Variants in GABRB1 observed in about 807,000 individuals in gnomAD.
The protein encoded by GABRB1 is gamma-aminobutyric acid type A receptor subunit beta1.
A neutral mutation model predicts 51.6 loss-of-function variants in GABRB1; 17 were observed. The ratio of observed to expected loss-of-function variants is 0.33; its 90% CI spans 0.23 to 0.49. The LOEUF (loss-of-function observed/expected upper bound fraction) is 0.49, where lower values mean the gene tolerates loss of function less well. GABRB1 is among the 20% of genes least tolerant of loss of function. GABRB1 has a pLI of 0.99. For synonymous variants in GABRB1, 247 were observed against 218.9 expected, an observed-to-expected ratio of 1.13 and a Z score of -1.14; for missense variants, 410 against 600.6, an observed-to-expected ratio of 0.68 and a Z score of 3.32.
At chr4:47,287,845 C>T (rs974610795) in intron 4 of GABRB1, among the ~76,000 whole-genome samples, 13 of 152,280 alleles carry the variant, frequency 8.5e-5, no homozygotes, top group African/African-American at 2.6e-4. Context: ...AGGTCTCCAA[C>T]TGCCAGCAAG....
At chr4:47,156,587 T>C (rs1363956664) in intron 3 of GABRB1, among the ~76,000 whole-genome samples, 1 of 152,108 alleles carries the variant, frequency 6.6e-6, no homozygotes, top group Non-Finnish European at 1.5e-5. Context: ...GAATGTTACC[T>C]TTATTCTCCA....
intron 3 of GABRB1, among the ~76,000 whole-genome samples, chr4:47,041,510 A>G (rs886309685): frequency 6.6e-6 from 1 of 151,892 alleles, no homozygotes; most frequent in Non-Finnish European, 1.5e-5. Flanking sequence ...ATATCAGGAA[A>G]AATTAGAGGT....
chr4:47,259,445 T>C (rs1007758120), intron 4 of GABRB1, among the ~76,000 whole-genome samples: 3 of 152,176 alleles, frequency 2.0e-5, no homozygotes, highest in African/African-American at 4.8e-5. Flanking sequence ...GTCAATAATG[T>C]TTATAGTATA....
intron 3 of GABRB1, among the ~76,000 whole-genome samples, chr4:47,121,151 A>T (rs1715758030): frequency 6.6e-6 from 1 of 152,072 alleles, no homozygotes; most frequent in Non-Finnish European, 1.5e-5. Context: ...GGGTTGGGTA[A>T]ACTCAGGCTC....
intron 3 of GABRB1, among the ~76,000 whole-genome samples, chr4:47,137,121 C>A (rs1716695906): frequency 6.6e-6 from 1 of 152,002 alleles, no homozygotes; most frequent in Non-Finnish European, 1.5e-5. Flanking sequence ...CTTAAAGACT[C>A]AAATATTGAT....
At chr4:47,390,963 G>T (rs961798495) in intron 5 of GABRB1, among the ~76,000 whole-genome samples, 1 of 152,082 alleles carries the variant, frequency 6.6e-6, no homozygotes, top group Non-Finnish European at 1.5e-5. Flanking sequence ...GGGTCATGAG[G>T]TCAAGAGTTA....
At chr4:47,366,192 T>C (rs1578125436) in intron 5 of GABRB1, among the ~76,000 whole-genome samples, 1 of 152,198 alleles carries the variant, frequency 6.6e-6, no homozygotes, top group African/African-American at 2.4e-5. Context: ...TCTGACTTCC[T>C]TTCTTGTCCA....
chr4:47,318,446 T>A (rs747936143), intron 4 of GABRB1, among the ~76,000 whole-genome samples: 10 of 152,060 alleles, frequency 6.6e-5, no homozygotes, highest in Middle Eastern at 3.4e-3. Flanking sequence ...ATCATCATCA[T>A]CAACAACAAC....
At chr4:47,309,990 C>T (rs1017574268) in intron 4 of GABRB1, among the ~76,000 whole-genome samples, 8 of 152,126 alleles carry the variant, frequency 5.3e-5, no homozygotes, top group African/African-American at 1.9e-4. Flanking sequence ...TAATAACTCT[C>T]TTTTCTTTCC....
At chr4:47,356,464 G>C (rs956441735) in intron 5 of GABRB1, among the ~76,000 whole-genome samples, 6 of 152,074 alleles carry the variant, frequency 3.9e-5, no homozygotes, top group African/African-American at 1.4e-4. Context: ...TTTATTTTCT[G>C]ATCATGTCCA....
chr4:47,213,488 C>T (rs1478500609), intron 4 of GABRB1, among the ~76,000 whole-genome samples: 1 of 152,002 alleles, frequency 6.6e-6, no homozygotes, highest in East Asian at 1.9e-4. Context: ...CTCACACTCT[C>T]GCTTTCTCTT....
chr4:47,420,360 G>A (rs1489704486), intron 8 of GABRB1, among the ~76,000 whole-genome samples: 1 of 152,130 alleles, frequency 6.6e-6, no homozygotes, highest in African/African-American at 2.4e-5. Context: ...CTGGGACTTG[G>A]AGTGGGAATT....
chr4:47,226,083 T>C (rs943640225), intron 4 of GABRB1, among the ~76,000 whole-genome samples: 1 of 152,142 alleles, frequency 6.6e-6, no homozygotes, highest in Non-Finnish European at 1.5e-5. Flanking sequence ...CTATTAAACA[T>C]AGTTCTAGGT....
At chr4:47,348,055 C>T (rs1726169693) in intron 5 of GABRB1, among the ~76,000 whole-genome samples, 1 of 152,188 alleles carries the variant, frequency 6.6e-6, no homozygotes, top group Non-Finnish European at 1.5e-5. Flanking sequence ...TCTTAAAAGA[C>T]CTACTTCCTG....
At chr4:47,358,410 G>A (rs948766747) in intron 5 of GABRB1, among the ~76,000 whole-genome samples, 1 of 151,640 alleles carries the variant, frequency 6.6e-6, no homozygotes, top group Non-Finnish European at 1.5e-5. Flanking sequence ...TATATAGAGA[G>A]AGAGAGAGTG....
intron 4 of GABRB1, among the ~76,000 whole-genome samples, chr4:47,279,254 A>G (rs111667323): frequency 0.015 from 2,331 of 152,286 alleles, 50 homozygotes; most frequent in African/African-American, 0.053. Flanking sequence ...AGTTTAGCAA[A>G]TAAACAAACA....
At chr4:47,417,503 G>A (rs1001795869) in intron 8 of GABRB1, among the ~76,000 whole-genome samples, 3 of 151,850 alleles carry the variant, frequency 2.0e-5, no homozygotes, top group African/African-American at 7.3e-5. Flanking sequence ...GGGTTTGGCA[G>A]CCCTGGTGAG....
intron 4 of GABRB1, among the ~76,000 whole-genome samples, chr4:47,252,591 T>G (rs1311082458): frequency 7.2e-6 from 1 of 138,300 alleles, no homozygotes; most frequent in Non-Finnish European, 1.5e-5. Flanking sequence ...CACTGCAACC[T>G]CTGCTTGCCT....
At chr4:47,054,791 G>T (rs1240028812) in intron 3 of GABRB1, among the ~76,000 whole-genome samples, 1 of 152,028 alleles carries the variant, frequency 6.6e-6, no homozygotes, top group East Asian at 1.9e-4. Context: ...CACCAAGTTG[G>T]CCAGGCTGGT....
Sources: allele counts gnomAD v4.1 joint callset (sites outside exome capture counted in the v4.1 genomes callset), GRCh38; gene constraint gnomAD v4.1.1; transcripts MANE v1.5; gene names NCBI Gene and HGNC (gene_info 2026-07-23, HGNC 2026-07-21).